The following C22orf23 variants were observed in gnomAD, a reference collection of about 807,000 sequenced individuals.
C22orf23 encodes the protein UPF0193 protein EVG1.
C22orf23 carries 30 observed loss-of-function variants against 29.7 expected under a neutral mutation model. The ratio of observed to expected loss-of-function variants is 1.01; its 90% CI spans 0.76 to 1.37. The LOEUF (loss-of-function observed/expected upper bound fraction) is 1.37, where lower values mean the gene tolerates loss of function less well. Ranked by LOEUF, C22orf23 falls within the 40% of genes most tolerant of loss-of-function variation. The pLI is 0.00. For missense variants in C22orf23, 237 were observed against 273.1 expected, an observed-to-expected ratio of 0.87 and a Z score of 0.93; for synonymous variants, 90 against 96.1, an observed-to-expected ratio of 0.94 and a Z score of 0.37.
chr22:37,951,557 C>T (rs1213961232), intron 2 of C22orf23, 35 bp from the exon 3 acceptor site: 1 of 1,603,252 alleles, frequency 6.2e-7, no homozygotes, highest in Non-Finnish European at 8.5e-7. Flanking sequence ...GCCTCTTGGG[C>T]TGCAGGCGGA....
chr22:37,949,155 C>G (rs7290474), intron 3 of C22orf23, among the ~76,000 whole-genome samples: 5,312 of 152,212 alleles, frequency 0.035, 304 homozygotes, highest in African/African-American at 0.12. Context: ...ATCCCTCCTG[C>G]TGTCCATCCC....
At chr22:37,944,755 C>T in intron 5 of C22orf23, 1 of 565,916 alleles carries the variant, frequency 1.8e-6, no homozygotes, top group Non-Finnish European at 3.1e-6. Flanking sequence ...AAAAATTAGC[C>T]AGGCATGGTG....
intron 5 of C22orf23, 94 bp from the exon 6 acceptor site, chr22:37,944,611 T>C: frequency 8.7e-7 from 1 of 1,152,734 alleles, no homozygotes; most frequent in Non-Finnish European, 1.3e-6. Context: ...TGTCAAATAG[T>C]GTTTCTAGGC....
chr22:37,944,353 G>A (rs1485432615), intron 6 of C22orf23, 64 bp downstream of exon 6: 1 of 1,613,332 alleles, frequency 6.2e-7, no homozygotes, highest in Non-Finnish European at 8.5e-7. Flanking sequence ...AGCAGACCCT[G>A]TATTTCCATT....
At position 37,953,023 on chromosome 22, in the gene C22orf23, G is replaced by A. The variant is rs73415814; in HGVS notation, c.103+24C>T. 7,761 of 1,574,680 alleles carry A rather than the reference G, an allele frequency of 4.9e-3. 313 individuals carry two copies. In the African/African-American group the frequency reaches 0.09, roughly 18 times the overall value. ...CCGGTCCCTGGTGCCAAAAAGGCTGGGATCGCTGCTTTAACGGACTGACCT... is the reference window on the plus strand; with the variant it reads ...CCGGTCCCTGGTGCCAAAAAGGCTGAGATCGCTGCTTTAACGGACTGACCT... On this transcript the variant is annotated intron_variant, in intron 2 of 6. Coordinates refer to ENST00000403305, the MANE Select transcript of C22orf23 (RefSeq NM_032561.5).
At chr22:37,948,482 G>A (rs746924866) in intron 3 of C22orf23, among the ~76,000 whole-genome samples, 18 of 151,048 alleles carry the variant, frequency 1.2e-4, no homozygotes, top group Non-Finnish European at 1.8e-4. Context: ...TTAGCTGGGC[G>A]TGGTGATGCA....
At chr22:37,951,822 T>TTTTTTTTTTTTTTTTC (rs1931048443) in intron 2 of C22orf23, 1 of 132,362 alleles carries the variant, frequency 7.6e-6, no homozygotes, top group Non-Finnish European at 1.5e-5. Context: ...TTTTTTTTTT[T>TTTTTTTTTTTTTTTTC]TTTTTTTTTT....
chr22:37,944,546 C>G, intron 5 of C22orf23, 29 bp from the exon 6 acceptor site: 1 of 1,589,626 alleles, frequency 6.3e-7, no homozygotes, highest in Non-Finnish European at 8.6e-7. Context: ...TGTCAGGTTC[C>G]CATGAGGGAT....
intron 3 of C22orf23, 117 bp downstream of exon 3, chr22:37,951,343 G>A (rs1481196980): frequency 3.3e-6 from 3 of 906,626 alleles, no homozygotes; most frequent in African/African-American, 3.3e-5. Context: ...CATGAGCCAC[G>A]TGCCCGGCTG....
chr22:37,946,412 C>A (rs763508453), intron 4 of C22orf23, among the ~76,000 whole-genome samples: 1 of 151,214 alleles, frequency 6.6e-6, no homozygotes, highest in African/African-American at 2.4e-5. Flanking sequence ...GGTGACAGCG[C>A]GAGACTCCGT....
At position 37,945,048 on chromosome 22, in the gene C22orf23, C is replaced by G. The variant is rs998360411; in HGVS notation, c.475G>C (p.Glu159Gln). 14 of 1,606,470 alleles carry G rather than the reference C, an allele frequency of 8.7e-6. No homozygotes were observed. Among genetic ancestry groups the G allele is most frequent in the Non-Finnish European group, 1.0e-5 (12 of 1,177,456 alleles). Residue 159 changes from glutamate to glutamine, a missense_variant, in exon 5 of 7, where the codon GAA (glutamate) becomes CAA (glutamine). Coordinates refer to ENST00000403305, the MANE Select transcript of C22orf23 (RefSeq NM_032561.5). ...TGGTCCGTCGGAGTCTTACGCTCTTCAAATCGGTCTAGCTCAGGGGCTGGA... is the reference window on the plus strand; with the variant it reads ...TGGTCCGTCGGAGTCTTACGCTCTTGAAATCGGTCTAGCTCAGGGGCTGGA... ...KAPAPELDRF[E>Q]ELVKEIQERK...
chr22:37,944,771 C>T (rs1482736752), intron 5 of C22orf23: 8 of 562,272 alleles, frequency 1.4e-5, no homozygotes, highest in African/African-American at 7.5e-5. Flanking sequence ...TGGTGGCGGG[C>T]GCTGGTAATC....
intron 1 of C22orf23, 69 bp from the exon 2 acceptor site, chr22:37,953,227 A>T: frequency 9.1e-7 from 1 of 1,101,602 alleles, no homozygotes; most frequent in Non-Finnish European, 1.3e-6. Context: ...CCGACGCCCA[A>T]CACCCCCAGA....
chr22:37,952,618 A>C (rs956266483), intron 2 of C22orf23: 1 of 140,644 alleles, frequency 7.1e-6, no homozygotes, highest in African/African-American at 2.7e-5. Flanking sequence ...TCTGTAAAGG[A>C]AAATAGTGCT....
chr22:37,946,939 C>A (rs1930734040), intron 4 of C22orf23, among the ~76,000 whole-genome samples: 1 of 150,284 alleles, frequency 6.7e-6, no homozygotes, highest in African/African-American at 2.5e-5. Context: ...AGCTCAGGAA[C>A]CTGGGGCCTC....
chr22:37,947,502 C>CTT (rs11359710), intron 3 of C22orf23, 39 bp from the exon 4 acceptor site: 178 of 321,064 alleles, frequency 5.5e-4, no homozygotes, highest in Non-Finnish European at 6.3e-4. Flanking sequence ...ACCCACATGG[C>CTT]TTTTTTTTTT....
At chr22:37,944,932 T>A in intron 5 of C22orf23, 110 bp downstream of exon 5, 1 of 1,052,158 alleles carries the variant, frequency 9.5e-7, no homozygotes, top group Non-Finnish European at 1.4e-6. Context: ...ATAGTGTTTC[T>A]CACTTGTTGG....
At chr22:37,952,439 A>C (rs917134463) in intron 2 of C22orf23, among the ~76,000 whole-genome samples, 2 of 152,100 alleles carry the variant, frequency 1.3e-5, no homozygotes, top group Non-Finnish European at 2.9e-5. Context: ...GGGAAAGTTG[A>C]AAGTGTGATC....
At chr22:37,946,514 G>A (rs1237631769) in intron 4 of C22orf23, among the ~76,000 whole-genome samples, 1 of 150,808 alleles carries the variant, frequency 6.6e-6, no homozygotes, top group Non-Finnish European at 1.5e-5. Context: ...AGTTCTGGCT[G>A]CAGTGAGCTA....
Sources: allele counts gnomAD v4.1 joint callset (sites outside exome capture counted in the v4.1 genomes callset), GRCh38; gene constraint gnomAD v4.1.1; transcripts MANE v1.5; gene names NCBI Gene and HGNC (gene_info 2026-07-23, HGNC 2026-07-21).